The following EIF3E variants were observed in gnomAD, a reference collection of about 807,000 sequenced individuals.
The protein encoded by EIF3E is eukaryotic translation initiation factor 3 subunit E, also known as eIF-3 p48.
A neutral mutation model predicts 59.3 loss-of-function variants in EIF3E; 25 were observed. The observed-to-expected ratio is 0.42, with a 90% CI of 0.31 to 0.59. The LOEUF is 0.59. Among genes scored for constraint, EIF3E ranks in the 20% least tolerant of loss-of-function variants. The pLI, the probability that EIF3E is intolerant of heterozygous loss-of-function variation, is 0.15. For synonymous variants in EIF3E, 176 were observed against 170.2 expected (o/e 1.03, Z -0.26); for missense variants, 317 against 534.3 (o/e 0.59, Z 4.01).
rs181204833 is a variant in EIF3E, at chr8:108,222,963, G to A, written c.722+5304C>T. 2.6e-5 allele frequency among the ~76,000 whole-genome samples: 4 copies of A among 151,544 alleles called. No homozygotes were observed. The East Asian group carries it at 7.8e-4, about 29-fold the overall frequency. ...TCTTCCCCAACTGTACAGCTTTATG[G>A]GAGTTTTCCTACAGTGTTTCATAAT... On this transcript the variant is annotated intron_variant, in intron 7 of 12. Transcript: ENST00000220849.
At chr8:108,217,527 G>A in intron 7 of EIF3E, 67 bp from the exon 8 acceptor site, 1 of 1,354,758 alleles carries the variant, frequency 7.4e-7, no homozygotes, top group Non-Finnish European at 1.0e-6. Context: ...TCTCGAGCAG[G>A]TCATTAGATT....
At chr8:108,214,323 G>A (rs551758213) in intron 10 of EIF3E, among the ~76,000 whole-genome samples, 1 of 152,078 alleles carries the variant, frequency 6.6e-6, no homozygotes, top group African/African-American at 2.4e-5. Flanking sequence ...TTCTCCTTAC[G>A]TAAAGGTACA....
At chr8:108,207,608 T>C (rs1219418302) in intron 10 of EIF3E, among the ~76,000 whole-genome samples, 3 of 152,210 alleles carry the variant, frequency 2.0e-5, no homozygotes, top group Non-Finnish European at 4.4e-5. Flanking sequence ...AATTTCTAGA[T>C]TATTTAGATT....
At chr8:108,208,040 A>T (rs1989388) in intron 10 of EIF3E, among the ~76,000 whole-genome samples, 76,181 of 151,830 alleles carry the variant, frequency 0.5, 19,173 homozygotes, top group African/African-American at 0.58. Flanking sequence ...GGGAACTGAT[A>T]AGGGTTGTAT....
chr8:108,213,371 A>G (rs991733760), intron 10 of EIF3E, among the ~76,000 whole-genome samples: 1 of 152,180 alleles, frequency 6.6e-6, no homozygotes, highest in Admixed American at 6.5e-5. Context: ...TACTCACACT[A>G]TACTGTACAA....
At chr8:108,203,306 A>C (rs1242646215) in intron 11 of EIF3E, 95 bp downstream of exon 11, 2 of 1,326,062 alleles carry the variant, frequency 1.5e-6, no homozygotes, top group African/African-American at 3.0e-5. Flanking sequence ...AAACAAAATA[A>C]ATTATTAAAG....
At chr8:108,248,583 C>A (rs1026303138) in intron 1 of EIF3E, 30 bp downstream of exon 1, 13 of 1,610,406 alleles carry the variant, frequency 8.1e-6, no homozygotes, top group African/African-American at 1.3e-5. Flanking sequence ...TCCGCCCCCA[C>A]GCCTTCCTTG....
intron 9 of EIF3E, among the ~76,000 whole-genome samples, chr8:108,215,181 T>C (rs913899890): frequency 6.6e-6 from 1 of 150,982 alleles, no homozygotes; most frequent in Non-Finnish European, 1.5e-5. Context: ...CCAAGTACCC[T>C]CTAGGTCTTT....
chr8:108,202,380 G>A (rs1446706333), intron 12 of EIF3E, among the ~76,000 whole-genome samples: 1 of 151,898 alleles, frequency 6.6e-6, no homozygotes, highest in Non-Finnish European at 1.5e-5. Flanking sequence ...TCCCACAACT[G>A]CTTCCTAATG....
At chr8:108,232,315 A>C (rs1815639213) in intron 5 of EIF3E, among the ~76,000 whole-genome samples, 1 of 152,218 alleles carries the variant, frequency 6.6e-6, no homozygotes, top group South Asian at 2.1e-4. Context: ...AAACGAATTG[A>C]ATGTAACTTT....
At position 108,214,722 on chromosome 8, in the gene EIF3E, T is replaced by C. The variant is rs1251743563; in HGVS notation, c.952-6A>G. The C allele has an allele frequency of 2.5e-6, 4 of 1,599,078 alleles. No individual in the cohort carries two copies. Among genetic ancestry groups the C allele is most frequent in the Non-Finnish European group, 2.5e-6 (3 of 1,176,558 alleles). ...AAGAAGTCATTCACAAGCACCTATA[T>C]GTACAAATACAACAAAAATTAATGA... On this transcript the variant is annotated splice_polypyrimidine_tract_variant and splice_region_variant and intron_variant, in intron 9 of 12. Transcript: ENST00000220849.
chr8:108,234,310 G>A (rs1164629784), intron 5 of EIF3E: 1 of 152,276 alleles, frequency 6.6e-6, no homozygotes, highest in East Asian at 1.9e-4. Flanking sequence ...TGTGATTACA[G>A]GTGTGAGCCA....
chr8:108,225,364 A>C (rs1320469265), intron 7 of EIF3E, among the ~76,000 whole-genome samples: 1 of 151,536 alleles, frequency 6.6e-6, no homozygotes, highest in African/African-American at 2.5e-5. Flanking sequence ...GATGTTCATG[A>C]ATGTGGTTTT....
intron 10 of EIF3E, among the ~76,000 whole-genome samples, chr8:108,207,590 A>G (rs183222961): frequency 6.4e-4 from 97 of 152,314 alleles, no homozygotes; most frequent in Non-Finnish European, 1.0e-3. Context: ...CCAGATTTTA[A>G]ACACCCAAAT....
chr8:108,235,476 T>C lies in EIF3E; in HGVS notation c.367-374A>G, dbSNP rs985027601. ...GGTTCGTGCTCCTATGAAAATCTAA[T>C]GCCTCCACTGATCTGACAGGAGGCA... On this transcript the variant is annotated intron_variant, in intron 4 of 12. Coordinates refer to ENST00000220849, the MANE Select transcript of EIF3E (RefSeq NM_001568.3). Among the ~76,000 whole-genome samples, 6 of 152,218 alleles carry C rather than the reference T, an allele frequency of 3.9e-5. No individual in the cohort carries two copies. In the South Asian group the frequency reaches 8.3e-4, roughly 21 times the overall value.
intron 5 of EIF3E, among the ~76,000 whole-genome samples, chr8:108,230,624 A>G (rs1198886729): frequency 6.6e-6 from 1 of 152,164 alleles, no homozygotes. Flanking sequence ...GCAGGCAAAT[A>G]ACACAGGGAG....
intron 12 of EIF3E, among the ~76,000 whole-genome samples, chr8:108,202,462 C>T (rs532729746): frequency 3.6e-4 from 55 of 152,062 alleles, no homozygotes; most frequent in Admixed American, 7.2e-4. Context: ...AATTATAAGG[C>T]CATTCAAGTT....
intron 1 of EIF3E, 197 bp from the exon 2 acceptor site, chr8:108,242,110 A>T (rs1205082141): frequency 6.9e-7 from 1 of 1,451,406 alleles, no homozygotes; most frequent in African/African-American, 1.4e-5. Context: ...TATTTTACTT[A>T]CCTAAAAATT....
intron 1 of EIF3E, among the ~76,000 whole-genome samples, chr8:108,243,652 A>AG (rs1338499326): frequency 6.6e-6 from 1 of 150,904 alleles, no homozygotes; most frequent in African/African-American, 2.4e-5. Flanking sequence ...AAAAAAAAAA[A>AG]AAAAAAAAGG....
Sources: allele counts gnomAD v4.1 joint callset (sites outside exome capture counted in the v4.1 genomes callset), GRCh38; gene constraint gnomAD v4.1.1; transcripts MANE v1.5; gene names NCBI Gene and HGNC (gene_info 2026-07-23, HGNC 2026-07-21).